The following CELF4 variants were observed in gnomAD, a reference collection of about 807,000 sequenced individuals.
The protein encoded by CELF4 is CUGBP Elav-like family member 4.
In CELF4, 18 loss-of-function variants were observed where a neutral mutation model predicts 59.9. The observed-to-expected ratio is 0.30, with a 90% CI of 0.21 to 0.45. CELF4 has a LOEUF of 0.45. Ranked by LOEUF, CELF4 falls within the 20% of genes least tolerant of loss-of-function variation. CELF4 has a pLI of 1.00. For synonymous variants in CELF4, 261 were observed against 267.1 expected (o/e 0.98, Z 0.22); for missense variants, 456 against 689.0 (o/e 0.66, Z 3.79).
At chr18:37,259,004 A>G (rs571066499) in intron 11 of CELF4, 177 bp downstream of exon 11, 1 of 880,636 alleles carries the variant, frequency 1.1e-6, no homozygotes, top group South Asian at 1.6e-5. Flanking sequence ...AGGGCCATGG[A>G]GCAGCTGGGG....
intron 3 of CELF4, among the ~76,000 whole-genome samples, chr18:37,285,101 G>A (rs2094599991): frequency 6.6e-6 from 1 of 152,216 alleles, no homozygotes; most frequent in African/African-American, 2.4e-5. Flanking sequence ...AGGGGTGAGT[G>A]GGTGGGGCAC....
At chr18:37,507,989 C>T (rs972665041) in intron 1 of CELF4, among the ~76,000 whole-genome samples, 1 of 152,218 alleles carries the variant, frequency 6.6e-6, no homozygotes, top group Non-Finnish European at 1.5e-5. Flanking sequence ...GATTCCTCCT[C>T]TCCACCAGCC....
At position 37,565,365 on chromosome 18, in the gene CELF4, T is replaced by C. The variant is rs1178655253; in HGVS notation, c.277A>G (p.Met93Val). Residue 93 changes from methionine (M) to valine (V), a missense_variant, in exon 1 of 13, where the codon ATG (methionine) becomes GTG (valine). Met to Val is a conservative substitution (Grantham distance 21, BLOSUM62 1). This residue lies in a region of CELF4 where 63 missense variants were observed against 110.6 expected (regional missense o/e 0.57). Transcript: ENST00000420428. Reference protein sequence around the residue: ...LTVLKDRFTGMHKGCAFLTYC... With the variant: ...LTVLKDRFTGVHKGCAFLTYC... ...GGAAAGGTGTACTCACCTTTGTGCA[T>C]GCCTGTGAACCTGTCCTTCAGAACC... The C allele has an allele frequency of 6.4e-7, 1 of 1,560,954 alleles. No homozygotes were observed. Among genetic ancestry groups the C allele is most frequent in the South Asian group, 1.2e-5 (1 of 81,250 alleles).
rs1451197504 is a variant in CELF4, at chr18:37,565,773, G to T, written c.-132C>A. 101 of 599,884 alleles carry T rather than the reference G, an allele frequency of 1.7e-4. No individual in the cohort carries two copies. In the East Asian group the frequency reaches 3.2e-3, roughly 19 times the overall value. 37.2% of individuals were successfully genotyped at this position (599,884 alleles called of 1,614,324 possible). A position where few individuals can be genotyped will look rare whatever the true frequency, so the allele number is the denominator to read the frequency against. ...CTCCCCCTCGGTTTCTCTACACCTC[G>T]CTCTCCGCTCGCTCTCTGCTCTCTC... is the stretch of plus-strand genomic sequence containing the variant. On this transcript the variant is annotated 5_prime_UTR_variant, in exon 1 of 13. Coordinates refer to ENST00000420428, the MANE Select transcript of CELF4 (RefSeq NM_020180.4).
At chr18:37,273,747 C>T (rs1256868469) in intron 6 of CELF4, 1 of 988,174 alleles carries the variant, frequency 1.0e-6, no homozygotes, top group African/African-American at 1.7e-5. Flanking sequence ...TCAGTGCCAC[C>T]CACATGGGAG....
chr18:37,470,408 G>A (rs572254758), intron 2 of CELF4, among the ~76,000 whole-genome samples: 2 of 152,282 alleles, frequency 1.3e-5, no homozygotes, highest in East Asian at 1.9e-4. Flanking sequence ...ACTTCACTGA[G>A]CACACCCCAT....
chr18:37,272,572 GAAAAAAAAAA>G (rs397692958), intron 7 of CELF4, among the ~76,000 whole-genome samples: 1 of 104,950 alleles, frequency 9.5e-6, no homozygotes, highest in Non-Finnish European at 1.9e-5. Flanking sequence ...AAAGGGAAAT[GAAAAAAAAAA>G]AAAAAAAAAA....
At chr18:37,310,489 G>T (rs917427151) in intron 3 of CELF4, among the ~76,000 whole-genome samples, 2 of 152,170 alleles carry the variant, frequency 1.3e-5, no homozygotes, top group Admixed American at 1.3e-4. Flanking sequence ...GGCCTCTTGG[G>T]GTCTTCCAAG....
chr18:37,387,236 C>T (rs905060984), intron 2 of CELF4, among the ~76,000 whole-genome samples: 1 of 152,232 alleles, frequency 6.6e-6, no homozygotes, highest in Non-Finnish European at 1.5e-5. Context: ...AGGGCCATCC[C>T]GAGTGGGGGG....
intron 2 of CELF4, among the ~76,000 whole-genome samples, chr18:37,479,953 G>C (rs948994404): frequency 6.6e-6 from 1 of 152,184 alleles, no homozygotes; most frequent in African/African-American, 2.4e-5. Context: ...CAGAGGGAAC[G>C]CCATCTACAA....
intron 1 of CELF4, among the ~76,000 whole-genome samples, chr18:37,530,192 T>TAC (rs1327614311): frequency 6.6e-6 from 1 of 152,214 alleles, no homozygotes; most frequent in African/African-American, 2.4e-5. Flanking sequence ...GACTGACATG[T>TAC]ACACAGGTTC....
In CELF4 at chr18:37,492,080, C is replaced by T. The variant is rs114742416; in HGVS notation, c.287-6473G>A. On this transcript the variant is annotated intron_variant, in intron 1 of 12. Coordinates refer to ENST00000420428, the MANE Select transcript of CELF4 (RefSeq NM_020180.4). Reference sequence around the variant, plus strand: ...TCTTGCCTTGCTACTAATTGAATTACAGAATTAGCCAGAGGAAGGTGGCCC... The same window carrying T: ...TCTTGCCTTGCTACTAATTGAATTATAGAATTAGCCAGAGGAAGGTGGCCC... Among the ~76,000 whole-genome samples, 683 of 152,292 alleles carry T rather than the reference C, an allele frequency of 4.5e-3. 6 individuals are homozygous for T. The highest frequency in any genetic ancestry group is 0.016 in the African/African-American group (656 of 41,554).
chr18:37,558,072 A>C (rs1040022383), intron 1 of CELF4, among the ~76,000 whole-genome samples: 5 of 125,720 alleles, frequency 4.0e-5, no homozygotes, highest in Non-Finnish European at 7.8e-5. Context: ...TGCAATCTCC[A>C]CTCATTGCAA....
intron 2 of CELF4, among the ~76,000 whole-genome samples, chr18:37,364,827 A>T (rs1569567773): frequency 1.3e-5 from 2 of 152,180 alleles, no homozygotes; most frequent in Non-Finnish European, 2.9e-5. Context: ...GAAAGAACAG[A>T]AGACAGAACC....
At chr18:37,458,083 G>A (rs1174260763) in intron 2 of CELF4, among the ~76,000 whole-genome samples, 1 of 152,128 alleles carries the variant, frequency 6.6e-6, no homozygotes, top group African/African-American at 2.4e-5. Context: ...ATGGGACTTC[G>A]AGCATCAAAG....
chr18:37,392,980 C>G (rs1444314161), intron 2 of CELF4, among the ~76,000 whole-genome samples: 3 of 152,198 alleles, frequency 2.0e-5, no homozygotes, highest in Non-Finnish European at 4.4e-5. Context: ...TTTGTCTGTT[C>G]CCTGTGGTGC....
At chr18:37,531,214 C>A (rs1470666827) in intron 1 of CELF4, among the ~76,000 whole-genome samples, 2 of 152,142 alleles carry the variant, frequency 1.3e-5, no homozygotes, top group Admixed American at 6.5e-5. Flanking sequence ...CTGGGAGACC[C>A]TTCTATCCCA....
intron 2 of CELF4, among the ~76,000 whole-genome samples, chr18:37,388,758 A>C (rs2099126377): frequency 6.6e-6 from 1 of 152,162 alleles, no homozygotes; most frequent in Non-Finnish European, 1.5e-5. Flanking sequence ...GAACATGCTG[A>C]GGATGCCTCC....
chr18:37,257,420 CT>C (rs2070587711), intron 11 of CELF4, among the ~76,000 whole-genome samples: 1 of 152,194 alleles, frequency 6.6e-6, no homozygotes, highest in Non-Finnish European at 1.5e-5. Flanking sequence ...GCAACCCTGT[CT>C]TTTGCTTCTG....
Sources: gnomAD v4.1 joint callset for allele counts (sites outside exome capture counted in the v4.1 genomes callset) on GRCh38, gnomAD v4.1.1 for gene constraint, gnomAD v4.1.1 regional missense constraint, MANE v1.5 for transcripts, NCBI Gene and HGNC (gene_info 2026-07-23, HGNC 2026-07-21) for gene names.